The following PHF3 variants were observed in gnomAD, a reference collection of about 807,000 sequenced individuals.
PHF3 encodes the protein PHD finger protein 3.
Under a neutral mutation model 178.4 loss-of-function variants are expected in PHF3, and 41 were observed. That is an observed-to-expected ratio of 0.23 (90% CI 0.18 to 0.30). PHF3 has a LOEUF of 0.30. Ranked by LOEUF, PHF3 falls within the 10% of genes least tolerant of loss-of-function variation. PHF3 has a pLI of 1.00. For synonymous variants in PHF3, 842 were observed against 800.5 expected (o/e 1.05, Z -0.88); for missense variants, 2,346 against 2,398.1 (o/e 0.98, Z 0.45).
rs373580537 is a variant in PHF3, at chr6:63,713,274, C to T, written c.5686C>T (p.Arg1896Cys). 9.9e-6 allele frequency: 16 copies of T among 1,613,946 alleles called. No homozygotes were observed. The highest frequency in any genetic ancestry group is 2.2e-5 in the East Asian group (1 of 44,866). The change falls in exon 16 of 16, where the codon CGC becomes TGC. Residue 1896 changes from arginine (R) to cysteine (C), a missense_variant. Transcript: ENST00000262043. Reference sequence around the variant, plus strand: ...TAAAGACATTCGGAGGCCAGAAAGGCGCCATAGTGACCCTTGGGGTAGGCA... The same window carrying T: ...TAAAGACATTCGGAGGCCAGAAAGGTGCCATAGTGACCCTTGGGGTAGGCA... Reference protein sequence around the residue: ...QVKDIRRPERRHSDPWGRQDQ... With the variant: ...QVKDIRRPERCHSDPWGRQDQ...
rs144653440 is a variant in PHF3, at chr6:63,684,575, T to C, written c.853T>C (p.Leu285=). The change falls in exon 4 of 16, where the codon TTG becomes CTG. Residue 285 remains leucine (L), a synonymous_variant. Coordinates refer to ENST00000262043, the MANE Select transcript of PHF3 (RefSeq NM_001370348.2). ...ECKAKPVGSP[L]FKFSDKEEHE... ...TAAAGCCAAGCCTGTTGGTAGTCCA[T>C]TGTTTAAGTTTTCAGATAAAGAAGA... 1.2e-4 allele frequency: 191 copies of C among 1,613,886 alleles called. No homozygotes were observed. The highest frequency in any genetic ancestry group is 3.3e-4 in the Middle Eastern group (2 of 6,082).
rs868823151 is a variant in PHF3, at chr6:63,712,311, A to G, written c.4723A>G (p.Asn1575Asp). The change falls in exon 16 of 16, where the codon AAT becomes GAT. Residue 1575 changes from asparagine to aspartate, a missense_variant. Around this residue, in one of 8 missense-constraint regions of PHF3, gnomAD observed 839 missense variants for 806.9 expected, o/e 1.04. Transcript: ENST00000262043. ...PDVSTEAFLT[N>D]LSIQSKQEET... ...TGTTTCTACAGAAGCATTTTTAACA[A>G]ATTTATCAATTCAGTCAAAACAAGA... The G allele has an allele frequency of 1.2e-6, 2 of 1,613,162 alleles. No individual in the cohort carries two copies. The highest frequency in any genetic ancestry group is 1.7e-6 in the Non-Finnish European group (2 of 1,179,766).
At chr6:63,658,825 G>C in intron 2 of PHF3, among the ~76,000 whole-genome samples, 1 of 151,798 alleles carries the variant, frequency 6.6e-6, no homozygotes, top group Non-Finnish European at 1.5e-5. Flanking sequence ...TGATTGTGGA[G>C]ACTGGCTGGC....
At chr6:63,664,139 A>G (rs975015560) in intron 2 of PHF3, among the ~76,000 whole-genome samples, 6 of 152,182 alleles carry the variant, frequency 3.9e-5, no homozygotes, top group Non-Finnish European at 8.8e-5. Context: ...TCTATAGTTC[A>G]GTCTGTGAGG....
intron 11 of PHF3, among the ~76,000 whole-genome samples, chr6:63,705,080 G>T (rs947680247): frequency 6.6e-6 from 1 of 152,150 alleles, no homozygotes; most frequent in Admixed American, 6.5e-5. Context: ...CTCTGGTGAG[G>T]TGTCTCTTCA....
In PHF3 at chr6:63,711,173, T is replaced by C. The variant is rs781248559; in HGVS notation, c.3808T>C (p.Cys1270Arg). 4.4e-6 allele frequency: 7 copies of C among 1,584,808 alleles called. No homozygotes were observed. The East Asian group carries it at 1.4e-4, about 31-fold the overall frequency. ...KIKASGTKEI[C>R]VVRFTPVTEE... ...TTGTTATTTTCTTGAACAGGAAATTTGTGTGGTTCGCTTCACACCAGTAAC... is the reference window on the plus strand; with the variant it reads ...TTGTTATTTTCTTGAACAGGAAATTCGTGTGGTTCGCTTCACACCAGTAAC... Residue 1270 changes from cysteine to arginine, a missense_variant, in exon 15 of 16, where the codon TGT (cysteine) becomes CGT (arginine). Cys to Arg is a radical substitution (Grantham distance 180). Around this residue, in one of 8 missense-constraint regions of PHF3, gnomAD observed 90 missense variants for 136.6 expected, o/e 0.66. Transcript: ENST00000262043.
chr6:63,672,777 A>C (rs1400911433), intron 2 of PHF3, among the ~76,000 whole-genome samples: 2 of 152,206 alleles, frequency 1.3e-5, no homozygotes, highest in East Asian at 1.9e-4. Flanking sequence ...ATGTGCCTGT[A>C]ACAATAGCTG....
At chr6:63,651,158 A>G (rs1765004305) in intron 2 of PHF3, among the ~76,000 whole-genome samples, 1 of 152,138 alleles carries the variant, frequency 6.6e-6, no homozygotes, top group Non-Finnish European at 1.5e-5. Flanking sequence ...TAATATTTTT[A>G]TGCATGTGTA....
At position 63,684,916 on chromosome 6, in the gene PHF3, G is replaced by A. The variant is rs774783696; in HGVS notation, c.1194G>A (p.Pro398=). Residue 398 remains proline, a synonymous_variant, in exon 4 of 16, where the codon CCG becomes CCA. Coordinates refer to ENST00000262043, the MANE Select transcript of PHF3 (RefSeq NM_001370348.2). ...CCCTTGAAAGAAATAAAATTGAACCGTTGGGTTATTGTGAAGATGCGGAGT... is the reference window on the plus strand; with the variant it reads ...CCCTTGAAAGAAATAAAATTGAACCATTGGGTTATTGTGAAGATGCGGAGT... The part of the protein sequence containing the change: ...ENTLERNKIE[P]LGYCEDAESN... The A allele has an allele frequency of 1.1e-5, 17 of 1,613,910 alleles. No individual in the cohort carries two copies. Among genetic ancestry groups the A allele is most frequent in the African/African-American group, 2.7e-5 (2 of 74,908 alleles).
Position 63,724,820 on chromosome 6 carries a change from T to G in PHF3, c.*11112T>G, listed in dbSNP as rs1164456995. On this transcript the variant is annotated 3_prime_UTR_variant, in exon 16 of 16. Coordinates refer to ENST00000262043, the MANE Select transcript of PHF3 (RefSeq NM_001370348.2). ...ATATGTGAAAACCACATTGGCTGCT[T>G]TTATTAAAATTTTTGGATTTTAACT... Among the ~76,000 whole-genome samples, 4 of 152,130 alleles carry G rather than the reference T, an allele frequency of 2.6e-5. No individual in the cohort carries two copies. Among genetic ancestry groups the G allele is most frequent in the Non-Finnish European group, 4.4e-5 (3 of 67,982 alleles).
chr6:63,662,862 T>G (rs1487744729), intron 2 of PHF3, among the ~76,000 whole-genome samples: 1 of 152,174 alleles, frequency 6.6e-6, no homozygotes, highest in Non-Finnish European at 1.5e-5. Flanking sequence ...TCATTTCTAT[T>G]TTCCTGCTAA....
rs887910653 is a variant in PHF3 at position 63,717,134 on chromosome 6, A to G, written c.*3426A>G. Among the ~76,000 whole-genome samples, 1 of 152,112 alleles carries G rather than the reference A, an allele frequency of 6.6e-6. No homozygotes were observed. The highest frequency in any genetic ancestry group is 1.5e-5 in the Non-Finnish European group (1 of 68,002). On this transcript the variant is annotated 3_prime_UTR_variant, in exon 16 of 16. Coordinates refer to ENST00000262043, the MANE Select transcript of PHF3 (RefSeq NM_001370348.2). ...AAGAACAATAACACCAGCAATAGAG[A>G]AGAAAATGGAGTGAAAAGTGAAGCC...
intron 2 of PHF3, among the ~76,000 whole-genome samples, chr6:63,665,951 T>G (rs550986569): frequency 1.4e-4 from 21 of 152,334 alleles, no homozygotes; most frequent in African/African-American, 4.8e-4. Flanking sequence ...TCAGTATCCT[T>G]CCTTTTGGAT....
In PHF3 at chr6:63,721,181, G is replaced by A. The variant is rs1260487488; in HGVS notation, c.*7473G>A. ...ATTTTGCAGTTGAAAATGAAGTTTT[G>A]TTTTCACAATACCTTCCCACCCAAC... is the stretch of plus-strand genomic sequence containing the variant. On this transcript the variant is annotated 3_prime_UTR_variant, in exon 16 of 16. Coordinates refer to ENST00000262043, the MANE Select transcript of PHF3 (RefSeq NM_001370348.2). 6.4e-7 allele frequency: 1 copy of A among 1,551,564 alleles called. No individual in the cohort carries two copies. Among genetic ancestry groups the A allele is most frequent in the South Asian group, 1.2e-5 (1 of 84,052 alleles).
At chr6:63,673,682 C>CAA (rs1766026170) in intron 2 of PHF3, among the ~76,000 whole-genome samples, 1 of 152,138 alleles carries the variant, frequency 6.6e-6, no homozygotes, top group Non-Finnish European at 1.5e-5. Context: ...ATCAAGGGGG[C>CAA]AGGGTACCCG....
In PHF3 at chr6:63,655,239, C is replaced by T. The variant is rs558489028; in HGVS notation, c.244+8444C>T. Among the ~76,000 whole-genome samples the T allele has an allele frequency of 9.9e-5, 15 of 152,068 alleles. No homozygotes were observed. The East Asian group carries it at 2.9e-3, about 29-fold the overall frequency. On this transcript the variant is annotated intron_variant, in intron 2 of 15. Transcript: ENST00000262043. ...CCACCATGCCCGCCACCATGCCTGG[C>T]TAATGTTTTGTATTTTTAGTAGAGA...
chr6:63,693,315 C>T (rs1191536568), intron 5 of PHF3, among the ~76,000 whole-genome samples: 1 of 152,098 alleles, frequency 6.6e-6, no homozygotes, highest in Non-Finnish European at 1.5e-5. Context: ...CTCTGTCTTG[C>T]TTAAAAAGAC....
chr6:63,648,655 A>G (rs1764889025), intron 2 of PHF3, among the ~76,000 whole-genome samples: 1 of 152,184 alleles, frequency 6.6e-6, no homozygotes, highest in Admixed American at 6.5e-5. Flanking sequence ...TATGAAGTAC[A>G]TAGAAATTTT....
intron 10 of PHF3, 29 bp downstream of exon 10, chr6:63,702,668 C>A: frequency 6.4e-7 from 1 of 1,568,706 alleles, no homozygotes. Flanking sequence ...TGTTTTATAG[C>A]TCAAAACATG....
Sources: allele counts gnomAD v4.1 joint callset (sites outside exome capture counted in the v4.1 genomes callset), GRCh38; gene constraint gnomAD v4.1.1; regional missense constraint gnomAD v4.1.1; transcripts MANE v1.5; gene names NCBI Gene and HGNC (gene_info 2026-07-23, HGNC 2026-07-21).